Variants in XRCC6 observed in about 807,000 individuals in gnomAD.
The protein encoded by XRCC6 is X-ray repair cross complementing 6, also known as DNA repair protein Ku70.
In XRCC6, 5 loss-of-function variants were observed where a neutral mutation model predicts 65.7. The observed-to-expected ratio is 0.08, with a 90% CI of 0.04 to 0.16. The LOEUF is 0.16. Among genes scored for constraint, XRCC6 ranks in the 10% least tolerant of loss-of-function variants. XRCC6 has a pLI of 1.00. For missense variants in XRCC6, 447 were observed against 738.1 expected (o/e 0.61, Z 4.57); for synonymous variants, 270 against 270.6 (o/e 1.00, Z 0.02).
rs1296088221 is a variant in XRCC6 at position 41,628,150 on chromosome 22, AT to A, written c.122del (p.Leu41TrpfsTer17). ...TAAATATTCAGGAAGAGATAGTTTG[AT>A]TTTTTTGGTTGATGCCTCCAAGGCT... ...DYKYSGRDSL[I>X]FLVDASKAMF... On this transcript the variant is annotated frameshift_variant, in exon 3 of 13. Transcript: ENST00000360079. LOFTEE classifies it high-confidence loss of function. 1 of 1,613,620 alleles carries A rather than the reference AT, an allele frequency of 6.2e-7. No individual in the cohort carries two copies. The highest frequency in any genetic ancestry group is 8.5e-7 in the Non-Finnish European group (1 of 1,179,794).
At chr22:41,625,918 A>C (rs1297821510) in intron 2 of XRCC6, among the ~76,000 whole-genome samples, 1 of 152,022 alleles carries the variant, frequency 6.6e-6, no homozygotes, top group East Asian at 1.9e-4. Context: ...GGCTCGCTGC[A>C]ATCTCTGCCT....
rs1181128323 is a variant in XRCC6 at position 41,655,998 on chromosome 22, G to T, written c.1292-905G>T. ...AATCTTAGCACTTTGGGAGGCTGTGGCAGGTGGATCGCCTGAGCCCAGGAG... is the reference window on the plus strand; with the variant it reads ...AATCTTAGCACTTTGGGAGGCTGTGTCAGGTGGATCGCCTGAGCCCAGGAG... On this transcript the variant is annotated intron_variant, in intron 9 of 12. Transcript: ENST00000360079. Among the ~76,000 whole-genome samples, 3 of 151,746 alleles carry T rather than the reference G, an allele frequency of 2.0e-5. No individual in the cohort carries two copies. In the East Asian group the frequency reaches 5.9e-4, roughly 30 times the overall value.
chr22:41,632,396 A>C (rs1306972830), intron 3 of XRCC6, among the ~76,000 whole-genome samples: 1 of 149,748 alleles, frequency 6.7e-6, no homozygotes, highest in African/African-American at 2.5e-5. Context: ...GAATCACTTG[A>C]GGTCAGGAGT....
intron 3 of XRCC6, among the ~76,000 whole-genome samples, chr22:41,630,699 C>G (rs1193923117): frequency 6.6e-6 from 1 of 151,986 alleles, no homozygotes; most frequent in Non-Finnish European, 1.5e-5. Flanking sequence ...GTGGTGATGA[C>G]TCTTAACGAG....
chr22:41,638,293 C>T (rs1249431143), intron 6 of XRCC6, among the ~76,000 whole-genome samples: 1 of 152,042 alleles, frequency 6.6e-6, no homozygotes, highest in Non-Finnish European at 1.5e-5. Context: ...CGTCATTAGG[C>T]GATTTTGTCA....
chr22:41,659,031 T>TA (rs1030909835), intron 11 of XRCC6, among the ~76,000 whole-genome samples: 3 of 152,208 alleles, frequency 2.0e-5, no homozygotes, highest in African/African-American at 7.2e-5. Flanking sequence ...CGTAGTGGCT[T>TA]ACGTCTGCCT....
chr22:41,639,667 C>CTCTTTTTTTTTTTT (rs748593929), intron 6 of XRCC6, among the ~76,000 whole-genome samples: 2 of 81,050 alleles, frequency 2.5e-5, no homozygotes, highest in African/African-American at 5.7e-5. Context: ...GATTCTCTCT[C>CTCTTTTTTTTTTTT]TTTTTTTTTT....
intron 6 of XRCC6, among the ~76,000 whole-genome samples, chr22:41,642,950 A>G (rs1160362408): frequency 2.6e-5 from 4 of 152,146 alleles, no homozygotes; most frequent in Non-Finnish European, 5.9e-5. Flanking sequence ...CAGGAACCAA[A>G]ATTTCTATTT....
intron 6 of XRCC6, among the ~76,000 whole-genome samples, chr22:41,644,654 A>AT (rs1206019770): frequency 2.6e-5 from 4 of 151,482 alleles, no homozygotes; most frequent in African/African-American, 9.7e-5. Context: ...CCTGGCTAAT[A>AT]TTTTTTTGTA....
intron 5 of XRCC6, among the ~76,000 whole-genome samples, chr22:41,637,078 ATTTTTT>A (rs35433922): frequency 4.5e-5 from 4 of 88,696 alleles, no homozygotes; most frequent in African/African-American, 1.7e-4. Flanking sequence ...GATTGTCTTG[ATTTTTT>A]TTTTTTTTTT....
intron 11 of XRCC6, 98 bp from the exon 12 acceptor site, chr22:41,661,233 A>C: frequency 1.0e-6 from 1 of 985,948 alleles, no homozygotes; most frequent in South Asian, 1.5e-5. Context: ...CTTAGCAGTT[A>C]GGTGCTCTCT....
At chr22:41,635,347 G>A (rs944639806) in intron 3 of XRCC6, among the ~76,000 whole-genome samples, 5 of 152,146 alleles carry the variant, frequency 3.3e-5, no homozygotes, top group African/African-American at 4.8e-5. Flanking sequence ...CATAGATGCA[G>A]AACCAGCAGA....
At chr22:41,639,339 T>C (rs1157237364) in intron 6 of XRCC6, among the ~76,000 whole-genome samples, 2 of 118,852 alleles carry the variant, frequency 1.7e-5, no homozygotes, top group Admixed American at 8.4e-5. Context: ...CTTTTTTTTT[T>C]TTTTTTTTTT....
At chr22:41,636,406 G>C in intron 4 of XRCC6, 110 bp from the exon 5 acceptor site, 1 of 1,506,914 alleles carries the variant, frequency 6.6e-7, no homozygotes, top group Non-Finnish European at 8.9e-7. Flanking sequence ...TTGTTAAATG[G>C]GTTAAACAGC....
intron 3 of XRCC6, among the ~76,000 whole-genome samples, chr22:41,632,169 A>T (rs961190066): frequency 6.7e-6 from 1 of 149,918 alleles, no homozygotes; most frequent in Non-Finnish European, 1.5e-5. Flanking sequence ...GGGGAGAGGG[A>T]TAGGGAGAGG....
intron 2 of XRCC6, among the ~76,000 whole-genome samples, chr22:41,626,634 T>TG (rs1219170335): frequency 1.9e-4 from 28 of 147,356 alleles, no homozygotes; most frequent in East Asian, 5.9e-4. Context: ...TTTGTTTGTT[T>TG]TTTTTTTTGT....
Position 41,623,174 on chromosome 22 carries a change from G to C in XRCC6, c.82+1088G>C, listed in dbSNP as rs28741107. On this transcript the variant is annotated intron_variant, in intron 2 of 12. Coordinates refer to ENST00000360079, the MANE Select transcript of XRCC6 (RefSeq NM_001469.5). ...TAGCTCACTGTAACCTCAAACTCCC[G>C]GGCTCAAGTGATCCTCCTGCTTCAG... 4.0e-5 allele frequency among the ~76,000 whole-genome samples: 6 copies of C among 151,232 alleles called. No individual in the cohort carries two copies. In the South Asian group the frequency reaches 1.3e-3, roughly 32 times the overall value.
At chr22:41,647,733 C>CGTTTT (rs1394157738) in intron 7 of XRCC6, among the ~76,000 whole-genome samples, 4 of 151,770 alleles carry the variant, frequency 2.6e-5, no homozygotes, top group Admixed American at 1.3e-4. Flanking sequence ...TTTTTTGTTT[C>CGTTTT]GTTTTGTTTT....
In XRCC6 at chr22:41,637,741, C is replaced by T; in HGVS notation, c.723C>T (p.Asp241=). 6.2e-7 allele frequency: 1 copy of T among 1,613,980 alleles called. No homozygotes were observed. The highest frequency in any genetic ancestry group is 8.5e-7 in the Non-Finnish European group (1 of 1,179,990). ...TTGAGGAATCCAGCAAGCTAGAAGACCTGTTGCGGAAGGTTCGCGCCAAGG... is the reference window on the plus strand; with the variant it reads ...TTGAGGAATCCAGCAAGCTAGAAGATCTGTTGCGGAAGGTTCGCGCCAAGG... ...VHFEESSKLE[D]LLRKVRAKET... is the part of the protein sequence containing the mutation. The change falls in exon 6 of 13, where the codon GAC becomes GAT. Residue 241 remains aspartate, a synonymous_variant. Transcript: ENST00000360079.
Sources: gnomAD v4.1 joint callset for allele counts (sites outside exome capture counted in the v4.1 genomes callset) on GRCh38, gnomAD v4.1.1 for gene constraint, MANE v1.5 for transcripts, NCBI Gene and HGNC (gene_info 2026-07-23, HGNC 2026-07-21) for gene names.